Variants in SYT6 observed in about 807,000 individuals in gnomAD.
SYT6 encodes the protein synaptotagmin 6.
In SYT6, 24 loss-of-function variants were observed where a neutral mutation model predicts 38.4. That is an observed-to-expected ratio of 0.62 (90% CI 0.45 to 0.88). The LOEUF (loss-of-function observed/expected upper bound fraction) is 0.88. Among genes scored for constraint, SYT6 ranks in the 40% least tolerant of loss-of-function variants. The pLI is 0.00. For missense variants in SYT6, 611 were observed against 621.0 expected (o/e 0.98, Z 0.17); for synonymous variants, 265 against 241.9 (o/e 1.10, Z -0.89).
chr1:114,114,036 A>G (rs994142719), intron 3 of SYT6, among the ~76,000 whole-genome samples: 1 of 151,986 alleles, frequency 6.6e-6, no homozygotes, highest in African/African-American at 2.4e-5. Context: ...TCTTCCTCTG[A>G]TTGACCGTTC....
At position 114,132,700 on chromosome 1, in the gene SYT6, C is replaced by G. The variant is rs982711139; in HGVS notation, c.1071+4795G>C. On this transcript the variant is annotated intron_variant, in intron 3 of 7. Coordinates refer to ENST00000610222, the MANE Select transcript of SYT6 (RefSeq NM_001253772.2). ...ACCTGGACTGAAGGGGAAGGTCAGG[C>G]CTGGGAGTGGTACAGAAGTGACACA... Among the ~76,000 whole-genome samples the G allele has an allele frequency of 3.3e-5, 5 of 152,252 alleles. No homozygotes were observed. In the South Asian group the frequency reaches 6.2e-4, roughly 19 times the overall value.
chr1:114,095,692 G>T (rs1236319698), intron 6 of SYT6, among the ~76,000 whole-genome samples: 1 of 149,980 alleles, frequency 6.7e-6, no homozygotes, highest in Non-Finnish European at 1.5e-5. Context: ...ATGGAGTCTC[G>T]CTCTGTTGTC....
In SYT6 at chr1:114,090,326, T is replaced by C. The variant is rs41274112; in HGVS notation, c.*1808A>G. The C allele has an allele frequency of 2.0e-5, 3 of 152,508 alleles. No homozygotes were observed. The highest frequency in any genetic ancestry group is 4.4e-5 in the Non-Finnish European group (3 of 68,040). The allele number at this position is 152,508 out of a possible 1,614,324, so 9.4% of individuals were successfully genotyped here. On this transcript the variant is annotated 3_prime_UTR_variant, in exon 8 of 8. Coordinates refer to ENST00000610222, the MANE Select transcript of SYT6 (RefSeq NM_001253772.2). ...GATATCTGGGGAGAAAAGTCATCTT[T>C]ACACATGAGTCCCTAGCCTAAGGCT...
At chr1:114,105,216 C>A (rs1676215417) in intron 3 of SYT6, among the ~76,000 whole-genome samples, 1 of 152,148 alleles carries the variant, frequency 6.6e-6, no homozygotes, top group Non-Finnish European at 1.5e-5. Flanking sequence ...ATAATGACTT[C>A]TGGGAGAGAG....
intron 3 of SYT6, among the ~76,000 whole-genome samples, chr1:114,130,575 G>A (rs896157499): frequency 6.6e-6 from 1 of 151,944 alleles, no homozygotes; most frequent in South Asian, 2.1e-4. Context: ...CACTCTCCTC[G>A]CTTCAATACT....
At chr1:114,104,804 TA>T (rs199948886) in intron 3 of SYT6, among the ~76,000 whole-genome samples, 1,537 of 152,232 alleles carry the variant, frequency 0.01, 10 homozygotes, top group Admixed American at 0.016. Context: ...TCATGGAACT[TA>T]AAAAATAAAT....
chr1:114,129,633 CTT>C (rs1208687024), intron 3 of SYT6, among the ~76,000 whole-genome samples: 19 of 82,504 alleles, frequency 2.3e-4, no homozygotes, highest in African/African-American at 6.4e-4. Flanking sequence ...TTCTTTCTTT[CTT>C]TCTTTCTCTT....
intron 3 of SYT6, among the ~76,000 whole-genome samples, chr1:114,131,170 G>A (rs1678122572): frequency 6.6e-6 from 1 of 152,156 alleles, no homozygotes; most frequent in Non-Finnish European, 1.5e-5. Flanking sequence ...CAGACTGCGA[G>A]GTCTTGAGGG....
intron 3 of SYT6, among the ~76,000 whole-genome samples, chr1:114,128,598 G>A (rs1011221675): frequency 2.0e-5 from 3 of 152,160 alleles, no homozygotes; most frequent in Non-Finnish European, 2.9e-5. Flanking sequence ...CCACCAAAGC[G>A]GCCCTTGTCA....
chr1:114,140,626 T>TA (rs1322516003), intron 1 of SYT6, among the ~76,000 whole-genome samples: 1 of 151,750 alleles, frequency 6.6e-6, no homozygotes, highest in Non-Finnish European at 1.5e-5. Context: ...GTAGGCTCAA[T>TA]AAATACTTCT....
chr1:114,108,917 G>A (rs935391714), intron 3 of SYT6, among the ~76,000 whole-genome samples: 23 of 152,160 alleles, frequency 1.5e-4, no homozygotes, highest in Non-Finnish European at 3.2e-4. Context: ...AGAAGCATCC[G>A]CTATACTTTC....
intron 3 of SYT6, among the ~76,000 whole-genome samples, chr1:114,124,391 G>A (rs576101228): frequency 1.3e-5 from 2 of 152,298 alleles, no homozygotes; most frequent in South Asian, 2.1e-4. Context: ...CTGGACAGAA[G>A]TCAGGCAATT....
chr1:114,151,289 C>T (rs1679426062), intron 1 of SYT6, among the ~76,000 whole-genome samples: 3 of 152,278 alleles, frequency 2.0e-5, no homozygotes, highest in Admixed American at 2.0e-4. Context: ...TCAGCTTGGA[C>T]CCTGGGCTTC....
In SYT6 at chr1:114,139,838, A is replaced by C; in HGVS notation, c.289T>G (p.Ser97Ala). The C allele has an allele frequency of 6.3e-7, 1 of 1,591,240 alleles. No homozygotes were observed. The highest frequency in any genetic ancestry group is 1.1e-5 in the South Asian group (1 of 87,372). Residue 97 changes from serine (S) to alanine (A), a missense_variant, in exon 2 of 8, where the codon TCT becomes GCT. Coordinates refer to ENST00000610222, the MANE Select transcript of SYT6 (RefSeq NM_001253772.2). ...PWRNKEASSP[S>A]SANPPLEALQ... ...GCTTCCAAGGGGGGATTAGCAGAAG[A>C]GGGACTGGAGGCCTCCTTGTTCCTC...
intron 3 of SYT6, among the ~76,000 whole-genome samples, chr1:114,123,663 G>T (rs2101046981): frequency 6.6e-6 from 1 of 152,282 alleles, no homozygotes; most frequent in East Asian, 1.9e-4. Flanking sequence ...TTCTGTCCCT[G>T]CATTCTCTTT....
intron 3 of SYT6, among the ~76,000 whole-genome samples, chr1:114,104,157 C>T (rs1676134839): frequency 6.6e-6 from 1 of 152,208 alleles, no homozygotes; most frequent in South Asian, 2.1e-4. Context: ...GGACAAGACA[C>T]ATGCTCTAGA....
intron 4 of SYT6, among the ~76,000 whole-genome samples, chr1:114,103,328 G>C (rs1571826883): frequency 6.6e-6 from 1 of 152,300 alleles, no homozygotes. Flanking sequence ...GCTTATATGT[G>C]TAAGGCACCA....
At position 114,139,964 on chromosome 1, in the gene SYT6, C is replaced by T; in HGVS notation, c.164-1G>A. On this transcript the variant is annotated splice_acceptor_variant, in intron 1 of 7. Transcript: ENST00000610222. LOFTEE classifies it high-confidence loss of function. ...ACTGCGAGGAGGCTGACAGAGGTGCCTGCCCTCGGCATGAGCCAGGCAGGG... is the reference window on the plus strand; with the variant it reads ...ACTGCGAGGAGGCTGACAGAGGTGCTTGCCCTCGGCATGAGCCAGGCAGGG... 1 of 1,491,284 alleles carries T rather than the reference C, an allele frequency of 6.7e-7. No individual in the cohort carries two copies. Among genetic ancestry groups the T allele is most frequent in the Non-Finnish European group, 8.9e-7 (1 of 1,121,380 alleles). The allele number at this position is 1,491,284 out of a possible 1,614,324, so 92.4% of individuals were successfully genotyped here. A position where few individuals can be genotyped will look rare whatever the true frequency, so the allele number is the denominator to read the frequency against.
At chr1:114,132,191 C>T (rs1002416584) in intron 3 of SYT6, among the ~76,000 whole-genome samples, 55 of 152,170 alleles carry the variant, frequency 3.6e-4, no homozygotes, top group Admixed American at 3.3e-3. Flanking sequence ...TAATGACCAG[C>T]GCATCCCAGT....
Sources: allele counts gnomAD v4.1 joint callset (sites outside exome capture counted in the v4.1 genomes callset), GRCh38; gene constraint gnomAD v4.1.1; transcripts MANE v1.5; gene names NCBI Gene and HGNC (gene_info 2026-07-23, HGNC 2026-07-21).